The following PIK3AP1 variants were observed in gnomAD, a reference collection of about 807,000 sequenced individuals.
PIK3AP1 encodes the protein phosphoinositide 3-kinase adapter protein 1.
Under a neutral mutation model 88.1 loss-of-function variants are expected in PIK3AP1, and 21 were observed. That is an observed-to-expected ratio of 0.24 (90% confidence interval 0.17 to 0.34). The LOEUF (loss-of-function observed/expected upper bound fraction) is 0.34, where lower values mean the gene tolerates loss of function less well. Among genes scored for constraint, PIK3AP1 ranks in the 10% least tolerant of loss-of-function variants. PIK3AP1 has a pLI of 1.00. For missense variants in PIK3AP1, 828 were observed against 1,035.7 expected (o/e 0.80, Z 2.75); for synonymous variants, 398 against 400.0 (o/e 1.00, Z 0.06).
At chr10:96,623,734 C>G (rs1189470110) in intron 10 of PIK3AP1, among the ~76,000 whole-genome samples, 197 bp from the exon 11 acceptor site, 5 of 151,998 alleles carry the variant, frequency 3.3e-5, no homozygotes, top group African/African-American at 1.2e-4. Context: ...ACTAGAAAAC[C>G]AAAGCTAGCC....
chr10:96,712,859 A>G (rs2134294312), intron 1 of PIK3AP1, among the ~76,000 whole-genome samples: 1 of 152,386 alleles, frequency 6.6e-6, no homozygotes, highest in African/African-American at 2.4e-5. Flanking sequence ...AAGGGTAGCC[A>G]CCACCTTCCT....
At chr10:96,648,447 G>A (rs537848478) in intron 7 of PIK3AP1, among the ~76,000 whole-genome samples, 2 of 152,292 alleles carry the variant, frequency 1.3e-5, no homozygotes, top group South Asian at 2.1e-4. Flanking sequence ...CTTACCCAAC[G>A]TCACAAGGCT....
rs1848726410 is a variant in PIK3AP1 at position 96,594,637 on chromosome 10, A to G, written c.*940T>C. Reference sequence around the variant, plus strand: ...TCCTTCTCTCTCTATGACCAGAAATAAAACCTATAAAGGAAATAGAGCACT... The same window carrying G: ...TCCTTCTCTCTCTATGACCAGAAATGAAACCTATAAAGGAAATAGAGCACT... On this transcript the variant is annotated 3_prime_UTR_variant, in exon 17 of 17. Coordinates refer to ENST00000339364, the MANE Select transcript of PIK3AP1 (RefSeq NM_152309.3). This position sits in a 1 kb window ranked among gnomAD's most constrained non-coding sequence, Gnocchi z 4.6. 6.6e-6 allele frequency: 1 copy of G among 152,240 alleles called. No individual in the cohort carries two copies. Among genetic ancestry groups the G allele is most frequent in the Admixed American group, 6.5e-5 (1 of 15,288 alleles). 9.4% of individuals were successfully genotyped at this position (152,240 alleles called of 1,614,324 possible).
At chr10:96,656,687 CA>C in intron 3 of PIK3AP1, 110 bp downstream of exon 3, 2 of 1,438,386 alleles carry the variant, frequency 1.4e-6, no homozygotes, top group Non-Finnish European at 1.9e-6. Flanking sequence ...AGGAAGGCTG[CA>C]ATTATACTGA....
chr10:96,675,571 C>T (rs1032418225), intron 2 of PIK3AP1, among the ~76,000 whole-genome samples: 28 of 152,230 alleles, frequency 1.8e-4, no homozygotes, highest in Admixed American at 1.6e-3. Context: ...TCATGGCCAC[C>T]ACATACATGG....
rs1843496748 is a variant in PIK3AP1 at position 96,648,875 on chromosome 10, A to C, written c.989-20T>G. On this transcript the variant is annotated intron_variant, in intron 6 of 16. Coordinates refer to ENST00000339364, the MANE Select transcript of PIK3AP1 (RefSeq NM_152309.3). Reference sequence around the variant, plus strand: ...TCTGATCTGAAAATTATCAAGGAAAACTTAATAGGCAGATAAAAATAAAGG... The same window carrying C: ...TCTGATCTGAAAATTATCAAGGAAACCTTAATAGGCAGATAAAAATAAAGG... 6.5e-7 allele frequency: 1 copy of C among 1,538,012 alleles called. No individual in the cohort carries two copies. Among genetic ancestry groups the C allele is most frequent in the African/African-American group, 1.4e-5 (1 of 70,994 alleles).
chr10:96,602,153 G>A (rs1485293519), intron 16 of PIK3AP1, 127 bp downstream of exon 16: 1 of 762,974 alleles, frequency 1.3e-6, no homozygotes, highest in Non-Finnish European at 2.1e-6. Flanking sequence ...AAAGTGCTGG[G>A]ATTACAGGCA....
intron 14 of PIK3AP1, among the ~76,000 whole-genome samples, chr10:96,607,762 C>A (rs796798810): frequency 8.5e-5 from 13 of 152,290 alleles, no homozygotes; most frequent in African/African-American, 3.1e-4. Flanking sequence ...ATGTTCCAGC[C>A]CAAGCAGGGC....
chr10:96,628,587 T>A, intron 8 of PIK3AP1, 94 bp from the exon 9 acceptor site: 1 of 1,018,194 alleles, frequency 9.8e-7, no homozygotes, highest in Non-Finnish European at 1.5e-6. Flanking sequence ...GCAACTCTCT[T>A]AAGAGATTCA....
In PIK3AP1 at chr10:96,673,690, T is replaced by G. The variant is rs540872021; in HGVS notation, c.431-16756A>C. On this transcript the variant is annotated intron_variant, in intron 2 of 16. Transcript: ENST00000339364. ...TCTTATCTAGACAGACACTGATGTC[T>G]GGATTTACTGGTGTGAGGACGGACA... 2.0e-5 allele frequency among the ~76,000 whole-genome samples: 3 copies of G among 152,302 alleles called. No individual in the cohort carries two copies. In the East Asian group the frequency reaches 5.8e-4, roughly 29 times the overall value.
intron 1 of PIK3AP1, among the ~76,000 whole-genome samples, chr10:96,716,383 A>G (rs1264878795): frequency 6.6e-6 from 1 of 152,224 alleles, no homozygotes; most frequent in Non-Finnish European, 1.5e-5. Context: ...TTGAGGAGAA[A>G]TTAATTACTG....
Position 96,651,371 on chromosome 10 carries a change from T to C in PIK3AP1, c.865A>G (p.Ile289Val), listed in dbSNP as rs1300522349. The C allele has an allele frequency of 6.2e-7, 1 of 1,614,200 alleles. No individual in the cohort carries two copies. ...PVEFMCQAFK[I>V]VPYNTETLDK... Reference sequence around the variant, plus strand: ...AGGGTCTCTGTGTTGTAGGGCACAATTTTAAAGGCCTGAAAACAAAAGTGA... The same window carrying C: ...AGGGTCTCTGTGTTGTAGGGCACAACTTTAAAGGCCTGAAAACAAAAGTGA... The change falls in exon 6 of 17, where the codon ATT (isoleucine) becomes GTT (valine). Residue 289 changes from isoleucine to valine, a missense_variant. Physicochemically the swap from Ile to Val is conservative, Grantham distance 29. Transcript: ENST00000339364.
intron 2 of PIK3AP1, among the ~76,000 whole-genome samples, chr10:96,679,075 T>C (rs1301037143): frequency 6.6e-6 from 1 of 152,208 alleles, no homozygotes; most frequent in Admixed American, 6.5e-5. Context: ...GTAAGAATTA[T>C]TTTTGAATCT....
intron 2 of PIK3AP1, among the ~76,000 whole-genome samples, chr10:96,670,260 T>C (rs1843827319): frequency 6.6e-6 from 1 of 151,474 alleles, no homozygotes; most frequent in Non-Finnish European, 1.5e-5. Flanking sequence ...GAAGGCAAGC[T>C]CCCCTCGGTC....
chr10:96,698,698 A>T (rs988434645), intron 2 of PIK3AP1, among the ~76,000 whole-genome samples: 4 of 152,094 alleles, frequency 2.6e-5, no homozygotes, highest in African/African-American at 7.2e-5. Context: ...ATGCCACTGC[A>T]CTCCAGCTTG....
At position 96,612,644 on chromosome 10, in the gene PIK3AP1, A is replaced by G. The variant is rs574941535; in HGVS notation, c.2015-2777T>C. Reference sequence around the variant, plus strand: ...ACCTCAGCATGCAGTACAGGGTCCAACTTCTAATTGCCTGAGGCTGTTTCT... The same window carrying G: ...ACCTCAGCATGCAGTACAGGGTCCAGCTTCTAATTGCCTGAGGCTGTTTCT... On this transcript the variant is annotated intron_variant, in intron 13 of 16. Coordinates refer to ENST00000339364, the MANE Select transcript of PIK3AP1 (RefSeq NM_152309.3). Among the ~76,000 whole-genome samples, 5 of 152,080 alleles carry G rather than the reference A, an allele frequency of 3.3e-5. No homozygotes were observed. In the East Asian group the frequency reaches 9.7e-4, roughly 29 times the overall value.
At chr10:96,614,721 T>C (rs560345883) in intron 13 of PIK3AP1, among the ~76,000 whole-genome samples, 1 of 152,326 alleles carries the variant, frequency 6.6e-6, no homozygotes, top group South Asian at 2.1e-4. Context: ...GTCTCTGTAT[T>C]TGGCAGGGTG....
At chr10:96,631,907 A>C (rs1257108360) in intron 8 of PIK3AP1, among the ~76,000 whole-genome samples, 6 of 150,286 alleles carry the variant, frequency 4.0e-5, no homozygotes, top group Non-Finnish European at 6.0e-5. Flanking sequence ...AAACAAAAAT[A>C]AAACAAAATA....
intron 3 of PIK3AP1, among the ~76,000 whole-genome samples, chr10:96,654,069 C>T (rs1185716264): frequency 1.3e-5 from 2 of 152,186 alleles, no homozygotes; most frequent in South Asian, 4.1e-4. Flanking sequence ...GACACCCGTG[C>T]ACTTTGCAGC....
Sources: allele counts gnomAD v4.1 joint callset (sites outside exome capture counted in the v4.1 genomes callset), GRCh38; gene constraint gnomAD v4.1.1; non-coding constraint Gnocchi (gnomAD v3.1); transcripts MANE v1.5; gene names NCBI Gene and HGNC (gene_info 2026-07-23, HGNC 2026-07-21).